Variants in GDA observed in about 807,000 individuals in gnomAD.
GDA encodes the protein cytoplasmic PSD-95 interactor.
A neutral mutation model predicts 59.6 loss-of-function variants in GDA; 18 were observed. The ratio of observed to expected loss-of-function variants is 0.30; its 90% CI spans 0.21 to 0.45. The LOEUF (loss-of-function observed/expected upper bound fraction) is 0.45, where lower values mean the gene tolerates loss of function less well. Ranked by LOEUF, GDA falls within the 20% of genes least tolerant of loss-of-function variation. The pLI, the probability that GDA is intolerant of heterozygous loss-of-function variation, is 1.00. For synonymous variants in GDA, 201 were observed against 201.1 expected (o/e 1.00, Z 0.00); for missense variants, 427 against 552.3 (o/e 0.77, Z 2.27).
chr9:72,225,520 T>C (rs1837444066), intron 7 of GDA, among the ~76,000 whole-genome samples, 157 bp from the exon 8 acceptor site: 1 of 152,224 alleles, frequency 6.6e-6, no homozygotes, highest in African/African-American at 2.4e-5. Context: ...ATGAATATAA[T>C]TGTTTCTAAC....
intron 11 of GDA, among the ~76,000 whole-genome samples, chr9:72,243,396 C>G (rs1839829106): frequency 1.3e-5 from 2 of 152,236 alleles, no homozygotes. Flanking sequence ...ACCCTAGTCA[C>G]TGCACCTGGT....
intron 1 of GDA, among the ~76,000 whole-genome samples, chr9:72,159,107 A>G (rs547875923): frequency 6.6e-6 from 1 of 152,340 alleles, no homozygotes; most frequent in South Asian, 2.1e-4. Flanking sequence ...ATGTTGTTTT[A>G]GCACAAAGTA....
chr9:72,211,253 C>G (rs953969465), intron 4 of GDA, among the ~76,000 whole-genome samples: 4 of 152,230 alleles, frequency 2.6e-5, no homozygotes, highest in Non-Finnish European at 5.9e-5. Context: ...CCATTGATCA[C>G]TAACCTTAGT....
chr9:72,258,362 A>G (rs1840908665), downstream of GDA, among the ~76,000 whole-genome samples: 1 of 152,114 alleles, frequency 6.6e-6, no homozygotes, highest in South Asian at 2.1e-4. Context: ...ATGGTGGTAG[A>G]TTCAGTCAAA....
At position 72,173,471 on chromosome 9, in the gene GDA, C is replaced by T. The variant is rs893764294; in HGVS notation, c.124-22029C>T. ...TCAGCCTCCTGAGTAGCTGGGAATA[C>T]AGGCGTGTGCCACCACGCCCGGCTA... On this transcript the variant is annotated intron_variant, in intron 1 of 13. Coordinates refer to ENST00000358399, the MANE Select transcript of GDA (RefSeq NM_004293.5). Among the ~76,000 whole-genome samples the T allele has an allele frequency of 3.6e-4, 54 of 152,094 alleles. 1 individual carries two copies. The highest frequency in any genetic ancestry group is 1.3e-3 in the African/African-American group (53 of 41,520).
intron 1 of GDA, among the ~76,000 whole-genome samples, chr9:72,184,120 C>G (rs1361798574): frequency 6.6e-6 from 1 of 152,068 alleles, no homozygotes; most frequent in Admixed American, 6.6e-5. Context: ...CCCATGTATC[C>G]CCTGCCGGGA....
chr9:72,192,495 G>A (rs927035164), intron 1 of GDA, among the ~76,000 whole-genome samples: 14 of 150,846 alleles, frequency 9.3e-5, no homozygotes, highest in South Asian at 2.1e-4. Flanking sequence ...CTCCCAAAGT[G>A]CTGGGATTAC....
chr9:72,132,634 A>G (rs1159397869), intron 1 of GDA, among the ~76,000 whole-genome samples: 1 of 152,088 alleles, frequency 6.6e-6, no homozygotes, highest in Non-Finnish European at 1.5e-5. Context: ...TGGTGTCAAG[A>G]CCTGTACCCC....
At chr9:72,231,055 GTTCATCTT>G in intron 9 of GDA, 51 bp from the exon 10 acceptor site, 2 of 944,854 alleles carry the variant, frequency 2.1e-6, no homozygotes, top group Non-Finnish European at 1.8e-6. Flanking sequence ...TGTTATTAGT[GTTCATCTT>G]TTATTGGAAC....
At chr9:72,194,212 C>T (rs888839164) in intron 1 of GDA, 2 of 152,082 alleles carry the variant, frequency 1.3e-5, no homozygotes, top group African/African-American at 4.8e-5. Context: ...GGAGTCTTGC[C>T]CCATAGCCAC....
chr9:72,121,813 G>GTT (rs1825672077), intron 1 of GDA, among the ~76,000 whole-genome samples: 2 of 152,070 alleles, frequency 1.3e-5, no homozygotes, highest in African/African-American at 4.8e-5. Flanking sequence ...AACTGCTCTT[G>GTT]GCAACATCAC....
At chr9:72,137,758 C>G (rs1826292561) in intron 1 of GDA, among the ~76,000 whole-genome samples, 2 of 147,478 alleles carry the variant, frequency 1.4e-5, no homozygotes, top group South Asian at 4.2e-4. Context: ...TTATTAGATG[C>G]CAGTCATAAC....
intron 1 of GDA, among the ~76,000 whole-genome samples, chr9:72,165,530 C>T (rs770851944): frequency 8.5e-5 from 13 of 152,202 alleles, no homozygotes; most frequent in African/African-American, 1.2e-4. Flanking sequence ...CAGATGTTTT[C>T]TCTGTTTAAA....
chr9:72,249,146 G>T lies in GDA; in HGVS notation c.*804G>T. 2.0e-6 allele frequency: 2 copies of T among 980,430 alleles called. No individual in the cohort carries two copies. The highest frequency in any genetic ancestry group is 2.4e-6 in the Non-Finnish European group (2 of 825,194). The allele number at this position is 980,430 out of a possible 1,614,324, so 60.7% of individuals were successfully genotyped here. A position where few individuals can be genotyped will look rare whatever the true frequency, so the allele number is the denominator to read the frequency against. On this transcript the variant is annotated 3_prime_UTR_variant, in exon 14 of 14. Coordinates refer to ENST00000358399, the MANE Select transcript of GDA (RefSeq NM_004293.5). Reference sequence around the variant, plus strand: ...CTTTAAAATCAACTTATAACTGTGAGATGTTATTGCTTCCATTTTATTAGA... The same window carrying T: ...CTTTAAAATCAACTTATAACTGTGATATGTTATTGCTTCCATTTTATTAGA...
chr9:72,235,830 C>A (rs76931538), intron 10 of GDA, among the ~76,000 whole-genome samples: 1,763 of 151,718 alleles, frequency 0.012, 34 homozygotes, highest in African/African-American at 0.041. Context: ...ATGAAAAAAA[C>A]CATAAAAACA....
At chr9:72,179,764 G>C (rs1830956058) in intron 1 of GDA, among the ~76,000 whole-genome samples, 1 of 152,176 alleles carries the variant, frequency 6.6e-6, no homozygotes, top group Non-Finnish European at 1.5e-5. Flanking sequence ...TGAGGACTTT[G>C]AGAGAAGGAT....
At chr9:72,161,774 A>T (rs1304190841) in intron 1 of GDA, among the ~76,000 whole-genome samples, 1 of 152,218 alleles carries the variant, frequency 6.6e-6, no homozygotes, top group Non-Finnish European at 1.5e-5. Flanking sequence ...AGCTCTTGTT[A>T]TCCATCGCCT....
intron 3 of GDA, 145 bp downstream of exon 3, chr9:72,202,887 A>G: frequency 1.7e-6 from 1 of 605,146 alleles, no homozygotes; most frequent in Non-Finnish European, 2.8e-6. Flanking sequence ...TTCACAGTCC[A>G]GTGAGTTTGT....
intron 1 of GDA, among the ~76,000 whole-genome samples, chr9:72,154,381 A>G (rs1827641274): frequency 6.6e-6 from 1 of 152,198 alleles, no homozygotes; most frequent in Non-Finnish European, 1.5e-5. Flanking sequence ...CTTAACATGT[A>G]CCATGTTCAT....
Sources: allele counts gnomAD v4.1 joint callset (sites outside exome capture counted in the v4.1 genomes callset), GRCh38; gene constraint gnomAD v4.1.1; transcripts MANE v1.5; gene names NCBI Gene and HGNC (gene_info 2026-07-23, HGNC 2026-07-21).